Variants in ABHD12B observed in about 807,000 individuals in gnomAD.
ABHD12B encodes the protein protein ABHD12B.
In ABHD12B, 42 loss-of-function variants were observed where a neutral mutation model predicts 50.4. The ratio of observed to expected loss-of-function variants is 0.83; its 90% CI spans 0.65 to 1.08. The LOEUF (loss-of-function observed/expected upper bound fraction) is 1.08. Among genes scored for constraint, ABHD12B ranks in the 50% least tolerant of loss-of-function variants. ABHD12B has a pLI of 0.00. For missense variants in ABHD12B, 479 were observed against 447.7 expected (o/e 1.07, Z -0.63); for synonymous variants, 167 against 160.3 (o/e 1.04, Z -0.32).
In ABHD12B at chr14:50,874,396, G is replaced by C. The variant is rs371667286; in HGVS notation, c.104+2118G>C. ...CGGGCAGATCATGAGGTCAGGAGAT[G>C]GAGACCATCCTGGCTAACACAGTGA... On this transcript the variant is annotated intron_variant, in intron 1 of 12. Transcript: ENST00000337334. 6.4e-3 allele frequency among the ~76,000 whole-genome samples: 980 copies of C among 152,110 alleles called. 17 individuals are homozygous for C. Among genetic ancestry groups the C allele is most frequent in the African/African-American group, 0.023 (944 of 41,502 alleles).
chr14:50,896,233 T>G (rs895847479), intron 9 of ABHD12B, among the ~76,000 whole-genome samples: 1 of 152,156 alleles, frequency 6.6e-6, no homozygotes, highest in East Asian at 1.9e-4. Context: ...CATGGCCTTT[T>G]AAAGCCTATA....
chr14:50,888,434 C>T (rs1401968146), intron 8 of ABHD12B, among the ~76,000 whole-genome samples: 2 of 152,122 alleles, frequency 1.3e-5, no homozygotes, highest in Admixed American at 1.3e-4. Context: ...CATCTCCTGA[C>T]CTCGTGATCC....
chr14:50,876,603 T>C (rs561898737), intron 1 of ABHD12B, among the ~76,000 whole-genome samples: 3 of 152,184 alleles, frequency 2.0e-5, no homozygotes, highest in Non-Finnish European at 4.4e-5. Flanking sequence ...TCTGCTTACA[T>C]GGATGTCACC....
At chr14:50,884,712 T>C (rs1191225909) in intron 5 of ABHD12B, among the ~76,000 whole-genome samples, 7,646 of 123,098 alleles carry the variant, frequency 0.062, 882 homozygotes, top group East Asian at 0.15. Context: ...CTTTTTTTTT[T>C]TTTTTTTTTT....
At position 50,877,947 on chromosome 14, in the gene ABHD12B, T is replaced by G; in HGVS notation, c.105-5T>G. 1.3e-6 allele frequency: 2 copies of G among 1,514,956 alleles called. No homozygotes were observed. Among genetic ancestry groups the G allele is most frequent in the African/African-American group, 1.4e-5 (1 of 71,870 alleles). 93.8% of individuals were successfully genotyped at this position (1,514,956 alleles called of 1,614,324 possible). The stretch of plus-strand genomic sequence containing the variant: ...AAACCTTGTGTGTTTCCCAATACCT[T>G]GCAGATATTTTCCACACTCCTGTTC... On this transcript the variant is annotated splice_polypyrimidine_tract_variant and splice_region_variant and intron_variant, in intron 1 of 12. Transcript: ENST00000337334.
At chr14:50,891,741 G>A (rs560410101) in intron 9 of ABHD12B, 1 of 152,264 alleles carries the variant, frequency 6.6e-6, no homozygotes, top group African/African-American at 2.4e-5. Flanking sequence ...TATGGAGGCA[G>A]GGGTCCACAT....
intron 1 of ABHD12B, among the ~76,000 whole-genome samples, chr14:50,877,313 G>A (rs1487155941): frequency 2.0e-5 from 3 of 152,210 alleles, no homozygotes; most frequent in Admixed American, 2.0e-4. Context: ...GTGCAGAATT[G>A]TGATATAATT....
chr14:50,875,603 G>A (rs893819118), intron 1 of ABHD12B, among the ~76,000 whole-genome samples: 1 of 152,172 alleles, frequency 6.6e-6, no homozygotes, highest in South Asian at 2.1e-4. Context: ...GGCCGTTAGC[G>A]GGGATTGGGC....
Position 50,872,056 on chromosome 14 carries a change from C to G in ABHD12B, c.-119C>G. On this transcript the variant is annotated 5_prime_UTR_variant, in exon 1 of 13. Transcript: ENST00000337334. Reference sequence around the variant, plus strand: ...GCCGCGTCTCCCCCGCCGTACCAGCCTGCCTGACCGCGCGGAGGAGGAGGG... The same window carrying G: ...GCCGCGTCTCCCCCGCCGTACCAGCGTGCCTGACCGCGCGGAGGAGGAGGG... 1.4e-6 allele frequency: 1 copy of G among 694,384 alleles called. No individual in the cohort carries two copies. 43.0% of individuals were successfully genotyped at this position (694,384 alleles called of 1,614,324 possible).
intron 5 of ABHD12B, among the ~76,000 whole-genome samples, chr14:50,882,201 G>C (rs142891031): frequency 1.4e-5 from 2 of 145,638 alleles, no homozygotes; most frequent in African/African-American, 5.1e-5. Flanking sequence ...CTCCCAAAGT[G>C]CTGGGATTAC....
At chr14:50,880,702 A>C in intron 4 of ABHD12B, 131 bp downstream of exon 4, 1 of 1,086,736 alleles carries the variant, frequency 9.2e-7, no homozygotes, top group East Asian at 2.9e-5. Context: ...CCTTTGTTGA[A>C]ATCTGAGGGT....
chr14:50,873,196 C>T (rs1051106250), intron 1 of ABHD12B, among the ~76,000 whole-genome samples: 5 of 151,868 alleles, frequency 3.3e-5, no homozygotes, highest in African/African-American at 4.8e-5. Context: ...TGATGACAAA[C>T]GGGGATCTTT....
chr14:50,897,058 A>G (rs1436986354), intron 9 of ABHD12B, among the ~76,000 whole-genome samples: 1 of 147,230 alleles, frequency 6.8e-6, no homozygotes, highest in African/African-American at 2.5e-5. Context: ...TAATAATATT[A>G]TGATTTAGTT....
Position 50,880,560 on chromosome 14 carries a change from T to C in ABHD12B, c.444T>C (p.Ser148=). 6.3e-7 allele frequency: 1 copy of C among 1,596,806 alleles called. No individual in the cohort carries two copies. Among genetic ancestry groups the C allele is most frequent in the Non-Finnish European group, 8.5e-7 (1 of 1,171,276 alleles). ...CAATTATTGTTTATCTTCATGGCAG[T>C]GCAGAACACAGGTCAGTGGCTCTGC... The part of the protein sequence containing the change: ...GNPIIVYLHG[S]AEHRAASHRL... The change falls in exon 4 of 13, where the codon AGT becomes AGC. Residue 148 remains serine (S), a synonymous_variant. Coordinates refer to ENST00000337334, the MANE Select transcript of ABHD12B (RefSeq NM_001206673.2).
At chr14:50,900,730 A>C (rs933104095) in intron 9 of ABHD12B, among the ~76,000 whole-genome samples, 2 of 152,182 alleles carry the variant, frequency 1.3e-5, no homozygotes, top group African/African-American at 2.4e-5. Context: ...CAGGCCTGAC[A>C]TGTTCCAGAA....
intron 9 of ABHD12B, chr14:50,892,865 T>C (rs2050137281): frequency 6.6e-6 from 1 of 152,344 alleles, no homozygotes; most frequent in Non-Finnish European, 1.5e-5. Flanking sequence ...TATTTTATAA[T>C]ATTATTGTGA....
intron 9 of ABHD12B, among the ~76,000 whole-genome samples, chr14:50,897,815 T>G (rs918028379): frequency 6.6e-6 from 1 of 152,232 alleles, no homozygotes; most frequent in Non-Finnish European, 1.5e-5. Context: ...TTAAGTAAGA[T>G]AATGTATGTA....
intron 5 of ABHD12B, among the ~76,000 whole-genome samples, chr14:50,883,612 A>G (rs1389721349): frequency 6.6e-6 from 1 of 152,244 alleles, no homozygotes; most frequent in East Asian, 1.9e-4. Context: ...AGCTGTCTCA[A>G]TGTTCCCAGA....
intron 5 of ABHD12B, among the ~76,000 whole-genome samples, chr14:50,882,991 T>G (rs1157268886): frequency 5.4e-4 from 28 of 51,612 alleles, no homozygotes; most frequent in South Asian, 1.6e-3. Context: ...AAAAAAAAAG[T>G]CATTGAAACC....
Sources: allele counts gnomAD v4.1 joint callset (sites outside exome capture counted in the v4.1 genomes callset), GRCh38; gene constraint gnomAD v4.1.1; transcripts MANE v1.5; gene names NCBI Gene and HGNC (gene_info 2026-07-23, HGNC 2026-07-21).